The following CPN1 variants were observed in gnomAD, a reference collection of about 807,000 sequenced individuals.
CPN1 encodes carboxypeptidase N subunit 1.
In CPN1, 37 loss-of-function variants were observed where a neutral mutation model predicts 46.4. The observed-to-expected ratio is 0.80, with a 90% CI of 0.61 to 1.05. The LOEUF is 1.05. CPN1 is among the 50% of genes least tolerant of loss of function. The pLI, the probability that CPN1 is intolerant of heterozygous loss-of-function variation, is 0.00. For missense variants in CPN1, 563 were observed against 602.6 expected (o/e 0.93, Z 0.69); for synonymous variants, 224 against 235.4 (o/e 0.95, Z 0.44).
Position 100,065,247 on chromosome 10 carries a change from C to G in CPN1, c.700G>C (p.Val234Leu). 1 of 1,614,144 alleles carries G rather than the reference C, an allele frequency of 6.2e-7. No individual in the cohort carries two copies. Among genetic ancestry groups the G allele is most frequent in the Non-Finnish European group, 8.5e-7 (1 of 1,180,028 alleles). Reference sequence around the variant, plus strand: ...CTGGCGGTGCGGCGGACCCCTCGGACCCGGTGCTCAAAGGACTTGTCATAC... The same window carrying G: ...CTGGCGGTGCGGCGGACCCCTCGGAGCCGGTGCTCAAAGGACTTGTCATAC... ...YPYDKSFEHR[V>L]RGVRRTASTP... The change falls in exon 4 of 9, where the codon GTC (valine) becomes CTC (leucine). Residue 234 changes from valine (V) to leucine (L), a missense_variant. Transcript: ENST00000370418.
intron 8 of CPN1, among the ~76,000 whole-genome samples, chr10:100,045,515 T>C (rs1287820098): frequency 6.6e-6 from 1 of 152,196 alleles, no homozygotes; most frequent in Non-Finnish European, 1.5e-5. Context: ...CTCAAAGGAC[T>C]TAAAGCATAG....
intron 5 of CPN1, among the ~76,000 whole-genome samples, chr10:100,058,303 A>G (rs1353858743): frequency 6.6e-6 from 1 of 152,104 alleles, no homozygotes; most frequent in Non-Finnish European, 1.5e-5. Context: ...TTCTCCTTAA[A>G]CTACAATGTT....
rs144396926 is a variant in CPN1, at chr10:100,046,504, G to T, written c.1230+2254C>A. On this transcript the variant is annotated intron_variant, in intron 8 of 8. Transcript: ENST00000370418. ...TAACAAAAATTAGGCCAGGTGCAGT[G>T]GCTCACGCCTGTAATCTCAGCACTT... Among the ~76,000 whole-genome samples the T allele has an allele frequency of 3.4e-3, 517 of 152,336 alleles. 2 individuals carry two copies. The highest frequency in any genetic ancestry group is 0.012 in the African/African-American group (479 of 41,576).
At chr10:100,044,263 G>C (rs2133422484) in intron 8 of CPN1, among the ~76,000 whole-genome samples, 1 of 152,274 alleles carries the variant, frequency 6.6e-6, no homozygotes, top group East Asian at 1.9e-4. Context: ...AAATGAGAGA[G>C]AAGAGAGACA....
At chr10:100,074,043 C>G (rs1045529343) in intron 2 of CPN1, among the ~76,000 whole-genome samples, 2 of 152,084 alleles carry the variant, frequency 1.3e-5, no homozygotes, top group Admixed American at 6.6e-5. Context: ...ATCCCCCCCC[C>G]ACAATACTCC....
At chr10:100,071,222 G>A (rs917797109) in intron 2 of CPN1, among the ~76,000 whole-genome samples, 3 of 152,162 alleles carry the variant, frequency 2.0e-5, no homozygotes, top group African/African-American at 7.2e-5. Flanking sequence ...TTAGGAAACT[G>A]TGTTAGTTTC....
Position 100,081,404 on chromosome 10 carries a change from G to A in CPN1, c.222C>T (p.Pro74=), listed in dbSNP as rs1187655074. 6.2e-7 allele frequency: 1 copy of A among 1,611,906 alleles called. No homozygotes were observed. Among genetic ancestry groups the A allele is most frequent in the South Asian group, 1.1e-5 (1 of 90,894 alleles). The change falls in exon 1 of 9, where the codon CCC becomes CCT. Residue 74 remains proline, a splice_region_variant and synonymous_variant. Transcript: ENST00000370418. ...CCTCAAGAGCTGTTCAGAACTTACA[G>A]GGCTCGTGGATTCCAGGGTGGTCGC... ...EFSDHPGIHE[P]LEPEVKYVGN...
intron 5 of CPN1, 85 bp from the exon 6 acceptor site, chr10:100,057,237 A>G (rs774093729): frequency 6.7e-6 from 10 of 1,488,250 alleles, no homozygotes; most frequent in Non-Finnish European, 7.3e-6. Flanking sequence ...TCTTTTTAAA[A>G]TTTTCTGTTT....
chr10:100,081,675 A>G lies in CPN1; in HGVS notation c.-50T>C, dbSNP rs781275676. Reference sequence around the variant, plus strand: ...CCACTGAAACGCGCCCCACCTCCTTAAACAACCTAGCCTCTTCACCCGCCA... The same window carrying G: ...CCACTGAAACGCGCCCCACCTCCTTGAACAACCTAGCCTCTTCACCCGCCA... On this transcript the variant is annotated 5_prime_UTR_variant, in exon 1 of 9. Transcript: ENST00000370418. 5 of 1,516,950 alleles carry G rather than the reference A, an allele frequency of 3.3e-6. No homozygotes were observed. The Admixed American group carries it at 7.0e-5, about 21-fold the overall frequency. The allele number at this position is 1,516,950 out of a possible 1,614,324, so 94.0% of individuals were successfully genotyped here. A position where few individuals can be genotyped will look rare whatever the true frequency, so the allele number is the denominator to read the frequency against.
chr10:100,068,185 G>T (rs1246234908), intron 3 of CPN1, among the ~76,000 whole-genome samples: 1 of 139,536 alleles, frequency 7.2e-6, no homozygotes, highest in South Asian at 2.4e-4. Flanking sequence ...AAAGGGAAAA[G>T]AAAAAACTAA....
intron 7 of CPN1, among the ~76,000 whole-genome samples, chr10:100,052,968 A>G (rs993277907): frequency 6.6e-6 from 1 of 152,162 alleles, no homozygotes; most frequent in Non-Finnish European, 1.5e-5. Flanking sequence ...CTTGCTAGAA[A>G]GAATCTAGCA....
intron 6 of CPN1, among the ~76,000 whole-genome samples, chr10:100,054,992 C>G (rs1431404663): frequency 6.6e-6 from 1 of 151,944 alleles, no homozygotes; most frequent in African/African-American, 2.4e-5. Flanking sequence ...AATTCCAGCA[C>G]TTTGGGAGGC....
rs1026084213 is a variant in CPN1 at position 100,054,424 on chromosome 10, A to C, written c.1034T>G (p.Met345Arg). Residue 345 changes from methionine to arginine, a missense_variant, in exon 7 of 9, where the codon ATG becomes AGG. Physicochemically the swap from Met to Arg is moderately conservative, Grantham distance 91. Transcript: ENST00000370418. ...LEQVHQGIKG[M>R]VLDENYNNLA... Reference sequence around the variant, plus strand: ...ATTATTGTAATTCTCATCAAGCACCATTCCCTTGATGCCCTGGTGAACCTG... The same window carrying C: ...ATTATTGTAATTCTCATCAAGCACCCTTCCCTTGATGCCCTGGTGAACCTG... 1.9e-6 allele frequency: 3 copies of C among 1,613,830 alleles called. No homozygotes were observed. The highest frequency in any genetic ancestry group is 2.5e-6 in the Non-Finnish European group (3 of 1,179,700).
rs78493265 is a variant in CPN1 at position 100,072,450 on chromosome 10, G to A, written c.421-2581C>T. Among the ~76,000 whole-genome samples, 1,038 of 152,262 alleles carry A rather than the reference G, an allele frequency of 6.8e-3. 10 individuals are homozygous for A. Among genetic ancestry groups the A allele is most frequent in the African/African-American group, 0.024 (981 of 41,550 alleles). On this transcript the variant is annotated intron_variant, in intron 2 of 8. Coordinates refer to ENST00000370418, the MANE Select transcript of CPN1 (RefSeq NM_001308.3). ...TCCCAAAGTGCTGGGATTAACAGAC[G>A]TGAGCCACTACGGCCTTATGTTTAA...
At chr10:100,080,519 G>C (rs2041538732) in intron 1 of CPN1, among the ~76,000 whole-genome samples, 1 of 152,206 alleles carries the variant, frequency 6.6e-6, no homozygotes, top group Non-Finnish European at 1.5e-5. Context: ...GATTTGGGGT[G>C]AGTTTTATTA....
At chr10:100,057,245 T>G (rs1319807280) in intron 5 of CPN1, 93 bp from the exon 6 acceptor site, 2 of 1,424,410 alleles carry the variant, frequency 1.4e-6, no homozygotes, top group Non-Finnish European at 1.9e-6. Context: ...AAATTTTCTG[T>G]TTTTATTTAT....
intron 1 of CPN1, among the ~76,000 whole-genome samples, chr10:100,080,528 TA>T (rs2041538785): frequency 1.3e-5 from 2 of 152,226 alleles, no homozygotes; most frequent in African/African-American, 2.4e-5. Flanking sequence ...TGAGTTTTAT[TA>T]TTTTTTTTCC....
At position 100,057,160 on chromosome 10, in the gene CPN1, A is replaced by T. The variant is rs2133433352; in HGVS notation, c.872-8T>A. On this transcript the variant is annotated splice_region_variant and splice_polypyrimidine_tract_variant and intron_variant, in intron 5 of 8. Transcript: ENST00000370418. The stretch of plus-strand genomic sequence containing the variant: ...AATTAAAGTCTTGCATTCCTAAGGG[A>T]AAGAGGGCAGCAGCAGATTTCCATA... The T allele has an allele frequency of 6.2e-7, 1 of 1,613,712 alleles. No individual in the cohort carries two copies. The highest frequency in any genetic ancestry group is 1.7e-4 in the Middle Eastern group (1 of 6,054).
Position 100,043,679 on chromosome 10 carries a change from TA to T in CPN1, c.1231-1107del, listed in dbSNP as rs2041291986. ...TTTATTTTACTTTTCTTTTTTTTTT[TA>T]ATTTTAGAGATGGGGTCTTGTTATG... On this transcript the variant is annotated intron_variant, in intron 8 of 8. Coordinates refer to ENST00000370418, the MANE Select transcript of CPN1 (RefSeq NM_001308.3). 2.2e-4 allele frequency among the ~76,000 whole-genome samples: 33 copies of T among 151,764 alleles called. No homozygotes were observed. In the South Asian group the frequency reaches 6.2e-3, roughly 29 times the overall value.
Sources: allele counts gnomAD v4.1 joint callset (sites outside exome capture counted in the v4.1 genomes callset), GRCh38; gene constraint gnomAD v4.1.1; transcripts MANE v1.5; gene names NCBI Gene and HGNC (gene_info 2026-07-23, HGNC 2026-07-21).